BANF2: variants seen among roughly 807,000 people sequenced by gnomAD.
BANF2 encodes the protein barrier-to-autointegration factor-like protein.
In BANF2, 4 loss-of-function variants were observed where a neutral mutation model predicts 8.0. The ratio of observed to expected loss-of-function variants is 0.50; its 90% CI spans 0.25 to 1.14. The LOEUF (loss-of-function observed/expected upper bound fraction) is 1.14, where lower values mean the gene tolerates loss of function less well. Among genes scored for constraint, BANF2 ranks in the 50% most tolerant of loss-of-function variants. BANF2 has a pLI of 0.16. For missense variants in BANF2, 96 were observed against 107.5 expected (o/e 0.89, Z 0.47); for synonymous variants, 50 against 40.6 (o/e 1.23, Z -0.88).
At chr20:17,725,510 C>T (rs973096086) in intron 3 of BANF2, among the ~76,000 whole-genome samples, 1 of 152,232 alleles carries the variant, frequency 6.6e-6, no homozygotes, top group Non-Finnish European at 1.5e-5. Flanking sequence ...TGAAGGGACT[C>T]ATGGCATCTC....
At chr20:17,705,504 GCTAA>G (rs2037469735) in intron 1 of BANF2, among the ~76,000 whole-genome samples, 1 of 152,228 alleles carries the variant, frequency 6.6e-6, no homozygotes, top group Non-Finnish European at 1.5e-5. Flanking sequence ...TTCAAGGGAA[GCTAA>G]CTGATGTTAC....
chr20:17,730,892 G>C lies in BANF2; in HGVS notation c.127-4773G>C, dbSNP rs142126396. On this transcript the variant is annotated intron_variant, in intron 3 of 3. Coordinates refer to ENST00000246090, the MANE Select transcript of BANF2 (RefSeq NM_178477.5). The stretch of plus-strand genomic sequence containing the variant: ...TTGCCAGATCAAAATTCACATTTCA[G>C]ATAAGCAAATAATTTTCTTAGTGTA... 1.7e-3 allele frequency among the ~76,000 whole-genome samples: 263 copies of C among 152,344 alleles called. 1 individual carries two copies. The highest frequency in any genetic ancestry group is 5.9e-3 in the African/African-American group (246 of 41,580).
intron 1 of BANF2, among the ~76,000 whole-genome samples, chr20:17,706,874 C>T (rs979184046): frequency 1.1e-4 from 16 of 152,172 alleles, no homozygotes; most frequent in African/African-American, 3.9e-4. Context: ...TGACTCTATC[C>T]AAAGTCCATG....
chr20:17,696,169 CT>C (rs1369691301), upstream of BANF2, among the ~76,000 whole-genome samples: 4 of 152,000 alleles, frequency 2.6e-5, no homozygotes, highest in African/African-American at 9.7e-5. Context: ...GACATGTTTT[CT>C]TTTTTCTTAT....
rs150607109 is a variant in BANF2 at position 17,729,113 on chromosome 20, G to A, written c.126+3962G>A. ...TGGACAGCACTGGTCTAGATGTAAGGGCGAAAGAGCCGTAAGGGAGAAAGG... is the reference window on the plus strand; with the variant it reads ...TGGACAGCACTGGTCTAGATGTAAGAGCGAAAGAGCCGTAAGGGAGAAAGG... On this transcript the variant is annotated intron_variant, in intron 3 of 3. Transcript: ENST00000246090. 2.2e-4 allele frequency among the ~76,000 whole-genome samples: 34 copies of A among 152,272 alleles called. 1 individual carries two copies. The highest frequency in any genetic ancestry group is 3.4e-3 in the Middle Eastern group (1 of 294).
intron 1 of BANF2, among the ~76,000 whole-genome samples, chr20:17,710,124 T>C (rs773055915): frequency 5.3e-5 from 8 of 152,310 alleles, no homozygotes; most frequent in Non-Finnish European, 1.0e-4. Flanking sequence ...GGCTGGGTAC[T>C]TACCCACCTA....
Position 17,694,599 on chromosome 20 carries a change from C to CTTTTT in BANF2, c.18+894_18+895insTTTTT, listed in dbSNP as rs1256251082. Among the ~76,000 whole-genome samples, 146 of 82,760 alleles carry CTTTTT rather than the reference C, an allele frequency of 1.8e-3. 4 individuals are homozygous for CTTTTT. The highest frequency in any genetic ancestry group is 5.6e-3 in the South Asian group (9 of 1,596). 54.3% of individuals were successfully genotyped at this position (82,760 alleles called of 152,430 possible). A position where few individuals can be genotyped will look rare whatever the true frequency, so the allele number is the denominator to read the frequency against. On this transcript the variant is annotated intron_variant, in intron 1 of 2. Coordinates refer to the BANF2 transcript ENST00000545418. ...AGGGGGCTATTTTTGTTTTTTCTCTCTCTTTTTTTTTTTTTTTTTTTTTTT... is the reference window on the plus strand; with the variant it reads ...AGGGGGCTATTTTTGTTTTTTCTCTCTTTTTTCTTTTTTTTTTTTTTTTTTTTTTT...
intron 1 of BANF2, among the ~76,000 whole-genome samples, chr20:17,716,117 C>T (rs538851571): frequency 2.8e-4 from 43 of 152,246 alleles, no homozygotes; most frequent in Admixed American, 5.2e-4. Context: ...CTGTGGTGAG[C>T]GTGGTACACC....
chr20:17,735,410 G>C lies in BANF2; in HGVS notation c.127-255G>C, dbSNP rs138756700. ...TTCATGTGCTTGTCAAAGTTTGAAG[G>C]GGGCAGGGTCTGACTCATTCCAGGG... On this transcript the variant is annotated intron_variant, in intron 3 of 3. Coordinates refer to ENST00000246090, the MANE Select transcript of BANF2 (RefSeq NM_178477.5). Among the ~76,000 whole-genome samples, 814 of 152,278 alleles carry C rather than the reference G, an allele frequency of 5.3e-3. 9 individuals are homozygous for C. The highest frequency in any genetic ancestry group is 0.018 in the African/African-American group (758 of 41,554).
Position 17,725,134 on chromosome 20 carries a change from ACC to A in BANF2, c.110_111del (p.Thr37LysfsTer5). 1 of 1,612,952 alleles carries A rather than the reference ACC, an allele frequency of 6.2e-7. No homozygotes were observed. The part of the protein sequence containing the change: ...ISHELAINLV[T>X]KGINKAYILL... ...CCATGAGCTCGCGATCAATTTGGTC[ACC>A]AAAGGTATCAATAAGGTAATTCATA... is the stretch of plus-strand genomic sequence containing the variant. On this transcript the variant is annotated frameshift_variant, in exon 3 of 4. Coordinates refer to ENST00000246090, the MANE Select transcript of BANF2 (RefSeq NM_178477.5). LOFTEE classifies it high-confidence loss of function.
upstream of BANF2, among the ~76,000 whole-genome samples, chr20:17,699,219 C>T (rs753838794): frequency 5.9e-5 from 9 of 152,246 alleles, no homozygotes; most frequent in African/African-American, 7.2e-5. Flanking sequence ...ACTCCTCCAT[C>T]CCCAATCCCA....
At chr20:17,732,874 C>A (rs1440370128) in intron 3 of BANF2, among the ~76,000 whole-genome samples, 1 of 152,086 alleles carries the variant, frequency 6.6e-6, no homozygotes, top group Non-Finnish European at 1.5e-5. Flanking sequence ...TTTCTGGAGC[C>A]GGGGGAGAAA....
chr20:17,726,763 A>G (rs1417256890), intron 3 of BANF2, among the ~76,000 whole-genome samples: 2 of 152,240 alleles, frequency 1.3e-5, no homozygotes, highest in Non-Finnish European at 2.9e-5. Flanking sequence ...AAATGTGTCC[A>G]TAATTGTGGG....
chr20:17,715,866 A>G (rs1280740116), intron 1 of BANF2, among the ~76,000 whole-genome samples: 1 of 152,244 alleles, frequency 6.6e-6, no homozygotes, highest in African/African-American at 2.4e-5. Flanking sequence ...TGAAAAGTCC[A>G]AGGGTAGTCG....
intron 1 of BANF2, among the ~76,000 whole-genome samples, chr20:17,706,124 G>A (rs4814637): frequency 1.3e-5 from 2 of 152,198 alleles, no homozygotes; most frequent in East Asian, 1.9e-4. Context: ...GGGCTTGAAG[G>A]TTGGCCAAAT....
At chr20:17,716,061 T>C (rs891596707) in intron 1 of BANF2, among the ~76,000 whole-genome samples, 29 of 152,116 alleles carry the variant, frequency 1.9e-4, no homozygotes, top group Middle Eastern at 3.2e-3. Flanking sequence ...AAGTGACTCA[T>C]GTGGCCCAAG....
chr20:17,719,040 G>C (rs1206758480), intron 1 of BANF2, among the ~76,000 whole-genome samples: 1 of 152,166 alleles, frequency 6.6e-6, no homozygotes, highest in Non-Finnish European at 1.5e-5. Context: ...GTTACAAGAG[G>C]GATGCCTTAG....
intron 3 of BANF2, among the ~76,000 whole-genome samples, chr20:17,729,728 T>A (rs1407996517): frequency 6.6e-6 from 1 of 152,144 alleles, no homozygotes; most frequent in Non-Finnish European, 1.5e-5. Flanking sequence ...AGAGGGAGAC[T>A]CTGTCTCAAA....
Position 17,705,150 on chromosome 20 carries a change from T to C in BANF2, c.-167+5095T>C, listed in dbSNP as rs142817994. Among the ~76,000 whole-genome samples the C allele has an allele frequency of 2.2e-3, 301 of 138,016 alleles. 3 individuals carry two copies. The East Asian group carries it at 0.033, about 15-fold the overall frequency. 90.5% of individuals were successfully genotyped at this position (138,016 alleles called of 152,430 possible). A position where few individuals can be genotyped will look rare whatever the true frequency, so the allele number is the denominator to read the frequency against. On this transcript the variant is annotated intron_variant, in intron 1 of 3. Transcript: ENST00000246090. ...CCTGGTCATGTGTGTTGTTACCTCA[T>C]TGGCGAGGCCTGGTCATGTGTGTCC...
Sources: gnomAD v4.1 joint callset for allele counts (sites outside exome capture counted in the v4.1 genomes callset) on GRCh38, gnomAD v4.1.1 for gene constraint, MANE v1.5 for transcripts, NCBI Gene and HGNC (gene_info 2026-07-23, HGNC 2026-07-21) for gene names.